Variants in MAGI2 observed in about 807,000 individuals in gnomAD.
The protein encoded by MAGI2 is membrane associated guanylate kinase, WW and PDZ domain containing 2, also known as membrane-associated guanylate kinase, WW and PDZ domain-containing protein 2.
In MAGI2, 35 loss-of-function variants were observed where a neutral mutation model predicts 133.3. That is an observed-to-expected ratio of 0.26 (90% CI 0.20 to 0.35). The LOEUF is 0.35. Among genes scored for constraint, MAGI2 ranks in the 10% least tolerant of loss-of-function variants. The pLI is 1.00. For missense variants in MAGI2, 1,636 were observed against 1,863.4 expected, an observed-to-expected ratio of 0.88 and a Z score of 2.25; for synonymous variants, 729 against 710.6, an observed-to-expected ratio of 1.03 and a Z score of -0.41.
At chr7:79,142,710 T>C (rs913832094) in intron 1 of MAGI2, among the ~76,000 whole-genome samples, 1 of 152,180 alleles carries the variant, frequency 6.6e-6, no homozygotes, top group African/African-American at 2.4e-5. Flanking sequence ...GTCTGTTATT[T>C]TACTTGCCTG....
At chr7:78,823,179 T>G (rs191276479) in intron 2 of MAGI2, among the ~76,000 whole-genome samples, 3 of 152,210 alleles carry the variant, frequency 2.0e-5, no homozygotes, top group Admixed American at 1.3e-4. Context: ...AAGTTCGTAG[T>G]AGGTAGATCC....
At chr7:78,776,942 T>G (rs1826033501) in intron 2 of MAGI2, among the ~76,000 whole-genome samples, 1 of 152,230 alleles carries the variant, frequency 6.6e-6, no homozygotes, top group Non-Finnish European at 1.5e-5. Context: ...GTGTATAGAT[T>G]ACTTTTGGGC....
intron 20 of MAGI2, among the ~76,000 whole-genome samples, chr7:78,115,600 C>A (rs1384640269): frequency 6.6e-6 from 1 of 152,056 alleles, no homozygotes; most frequent in Non-Finnish European, 1.5e-5. Flanking sequence ...CAGTAGGTCA[C>A]TACATAATGA....
At chr7:79,054,124 A>G (rs752889170) in intron 1 of MAGI2, among the ~76,000 whole-genome samples, 2 of 152,148 alleles carry the variant, frequency 1.3e-5, no homozygotes, top group African/African-American at 4.8e-5. Flanking sequence ...TGAACCCGGG[A>G]GGCAGAGGTT....
chr7:79,429,819 T>C (rs1242848357), intron 1 of MAGI2, among the ~76,000 whole-genome samples: 1 of 152,128 alleles, frequency 6.6e-6, no homozygotes, highest in Admixed American at 6.5e-5. Context: ...TATGATTATC[T>C]CATTGAATAT....
At chr7:78,284,463 T>TC (rs1421843963) in intron 9 of MAGI2, among the ~76,000 whole-genome samples, 2 of 151,428 alleles carry the variant, frequency 1.3e-5, no homozygotes, top group African/African-American at 4.8e-5. Context: ...TTTTTTTTTT[T>TC]TTAAAATAAG....
At chr7:79,201,141 C>G (rs1277277143) in intron 1 of MAGI2, among the ~76,000 whole-genome samples, 2 of 151,948 alleles carry the variant, frequency 1.3e-5, no homozygotes, top group African/African-American at 4.8e-5. Context: ...TGTTTAAACA[C>G]CTTCTGGAAA....
At chr7:78,741,429 G>T (rs911131636) in intron 2 of MAGI2, among the ~76,000 whole-genome samples, 1 of 130,278 alleles carries the variant, frequency 7.7e-6, no homozygotes, top group African/African-American at 2.9e-5. Context: ...ACACACACAC[G>T]GGAGGGGGGT....
chr7:78,298,054 A>ATACTT (rs1184297268), intron 9 of MAGI2, among the ~76,000 whole-genome samples: 2 of 152,194 alleles, frequency 1.3e-5, no homozygotes, highest in African/African-American at 2.4e-5. Flanking sequence ...TTGATAGCAT[A>ATACTT]TACTTTCGAT....
At chr7:79,113,811 T>TATAC (rs1554365854) in intron 1 of MAGI2, among the ~76,000 whole-genome samples, 4 of 148,876 alleles carry the variant, frequency 2.7e-5, no homozygotes, top group Admixed American at 2.7e-4. Flanking sequence ...TACACACGCT[T>TATAC]ACACACACAC....
At chr7:78,348,721 A>G (rs1208370665) in intron 7 of MAGI2, among the ~76,000 whole-genome samples, 2 of 152,194 alleles carry the variant, frequency 1.3e-5, no homozygotes, top group South Asian at 2.1e-4. Flanking sequence ...ATTATTCACT[A>G]TAGTCAGTAT....
chr7:78,057,989 A>ATGTGTGTGTGTGTGTGTGTGTGTGTG (rs1384818083), intron 21 of MAGI2, among the ~76,000 whole-genome samples: 1 of 30,638 alleles, frequency 3.3e-5, no homozygotes, highest in East Asian at 2.9e-3. Flanking sequence ...ATATATATAT[A>ATGTGTGTGTGTGTGTGTGTGTGTGTG]TATATATATA....
intron 6 of MAGI2, among the ~76,000 whole-genome samples, chr7:78,395,254 G>A (rs1232705300): frequency 6.6e-6 from 1 of 152,090 alleles, no homozygotes; most frequent in Non-Finnish European, 1.5e-5. Context: ...TTTAAAAAGA[G>A]GATAAGATAT....
At chr7:78,044,155 C>T (rs190225434) in intron 21 of MAGI2, among the ~76,000 whole-genome samples, 132 of 152,300 alleles carry the variant, frequency 8.7e-4, no homozygotes, top group Middle Eastern at 3.4e-3. Flanking sequence ...TCCCCCAACT[C>T]CAAAATTTAC....
At chr7:78,298,368 T>G (rs1205549027) in intron 9 of MAGI2, among the ~76,000 whole-genome samples, 2 of 152,026 alleles carry the variant, frequency 1.3e-5, no homozygotes, top group African/African-American at 4.8e-5. Flanking sequence ...AGTATAGACG[T>G]TCGTTAGTTA....
intron 2 of MAGI2, among the ~76,000 whole-genome samples, chr7:78,753,871 A>T (rs1823691126): frequency 3.3e-5 from 5 of 152,098 alleles, no homozygotes; most frequent in Admixed American, 3.3e-4. Flanking sequence ...AATGGAGGCC[A>T]GAAAAGTCGG....
intron 20 of MAGI2, 95 bp from the exon 21 acceptor site, chr7:78,079,180 G>C: frequency 8.0e-7 from 1 of 1,245,116 alleles, no homozygotes; most frequent in Non-Finnish European, 1.1e-6. Flanking sequence ...GATGACCTGA[G>C]AGCATCCGAA....
At chr7:78,439,627 G>A (rs796227320) in intron 6 of MAGI2, among the ~76,000 whole-genome samples, 2 of 152,132 alleles carry the variant, frequency 1.3e-5, no homozygotes, top group African/African-American at 4.8e-5. Flanking sequence ...ATTGAGGTGA[G>A]CTAAAATTAA....
At chr7:79,259,911 T>C (rs533538620) in intron 1 of MAGI2, among the ~76,000 whole-genome samples, 2 of 152,364 alleles carry the variant, frequency 1.3e-5, no homozygotes, top group East Asian at 1.9e-4. Flanking sequence ...CAGGGCACTT[T>C]ATAGGAAAAT....
Sources: gnomAD v4.1 joint callset for allele counts (sites outside exome capture counted in the v4.1 genomes callset) on GRCh38, gnomAD v4.1.1 for gene constraint, MANE v1.5 for transcripts, NCBI Gene and HGNC (gene_info 2026-07-23, HGNC 2026-07-21) for gene names.